The following IRF6 variants were observed in gnomAD, a reference collection of about 807,000 sequenced individuals.
IRF6 encodes Van der Woude syndrome.
A neutral mutation model predicts 51.4 loss-of-function variants in IRF6; 6 were observed. The observed-to-expected ratio is 0.12, with a 90% CI of 0.06 to 0.23. IRF6 has a LOEUF of 0.23. IRF6 is among the 10% of genes least tolerant of loss of function. The probability of loss-of-function intolerance (pLI) is 1.00; values close to 1 mark genes in which losing one functional copy is unlikely to be tolerated. For missense variants in IRF6, 348 were observed against 585.2 expected (o/e 0.59, Z 4.18); for synonymous variants, 178 against 215.7 (o/e 0.83, Z 1.53).
chr1:209,799,476 T>C (rs1287976015), intron 3 of IRF6, among the ~76,000 whole-genome samples: 1 of 152,224 alleles, frequency 6.6e-6, no homozygotes, highest in East Asian at 1.9e-4. Flanking sequence ...CATTTAATGT[T>C]AGTGCCCCAG....
At chr1:209,799,779 C>T (rs986427858) in intron 3 of IRF6, among the ~76,000 whole-genome samples, 1 of 152,230 alleles carries the variant, frequency 6.6e-6, no homozygotes, top group African/African-American at 2.4e-5. Context: ...CTTCTCAATG[C>T]CAACTCCAAT....
In IRF6 at chr1:209,787,755, G is replaced by T. The variant is rs4844899; in HGVS notation, c.*665C>A. The stretch of plus-strand genomic sequence containing the variant: ...AAATTTGTGAGCTTTCACTCCACAG[G>T]CTGGGTGACTTTCAGACTTTGGCAC... On this transcript the variant is annotated 3_prime_UTR_variant, in exon 9 of 9. Transcript: ENST00000367021. 3.9e-3 allele frequency: 588 copies of T among 152,490 alleles called. 18 individuals are homozygous for T. The highest frequency in any genetic ancestry group is 0.034 in the Admixed American group (517 of 15,302). 9.4% of individuals were successfully genotyped at this position (152,490 alleles called of 1,614,324 possible).
chr1:209,803,024 C>G (rs1212457932), intron 1 of IRF6, among the ~76,000 whole-genome samples: 2 of 152,240 alleles, frequency 1.3e-5, no homozygotes, highest in Non-Finnish European at 2.9e-5. Flanking sequence ...AACCTTCCCC[C>G]TGGGAGCATA....
chr1:209,796,678 A>AC lies in IRF6; in HGVS notation c.175-127dup. On this transcript the variant is annotated intron_variant, in intron 3 of 8. Coordinates refer to ENST00000367021, the MANE Select transcript of IRF6 (RefSeq NM_006147.4). This position sits in a 1 kb window ranked among gnomAD's most constrained non-coding sequence, Gnocchi z 4.5. ...ACACACACACACACACACACACACA[A>AC]CTTTTGCATGACTGCCCCATCATCC... 6.8e-6 allele frequency: 3 copies of AC among 438,460 alleles called. No homozygotes were observed. The highest frequency in any genetic ancestry group is 7.4e-5 in the South Asian group (2 of 27,184). The allele number at this position is 438,460 out of a possible 1,614,324, so 27.2% of individuals were successfully genotyped here.
intron 5 of IRF6, among the ~76,000 whole-genome samples, chr1:209,793,979 G>A (rs1414417994): frequency 2.0e-5 from 3 of 152,142 alleles, no homozygotes; most frequent in Admixed American, 6.6e-5. Context: ...CCATTGATGG[G>A]CATTTAATTT....
chr1:209,789,872 T>C, intron 7 of IRF6, 87 bp from the exon 8 acceptor site: 1 of 851,088 alleles, frequency 1.2e-6, no homozygotes, highest in South Asian at 1.4e-5. Context: ...TCCATTACAA[T>C]AGCCACTAGC....
At chr1:209,803,024 CT>C (rs1233814150) in intron 1 of IRF6, among the ~76,000 whole-genome samples, 2 of 152,240 alleles carry the variant, frequency 1.3e-5, no homozygotes, top group Non-Finnish European at 1.5e-5. Flanking sequence ...AACCTTCCCC[CT>C]GGGAGCATAG....
Position 209,795,480 on chromosome 1 carries a change from G to A in IRF6, c.380-62C>T, listed in dbSNP as rs1026180665. 46 of 1,608,396 alleles carry A rather than the reference G, an allele frequency of 2.9e-5. No individual in the cohort carries two copies. In the African/African-American group the frequency reaches 5.3e-4, roughly 19 times the overall value. ...AGGTTGCACTGCCACCCCTGCAGCT[G>A]ACCCACCATTCAAGCTAGGGACTGC... is the stretch of plus-strand genomic sequence containing the variant. On this transcript the variant is annotated intron_variant, in intron 4 of 8. Transcript: ENST00000367021.
chr1:209,799,113 C>A (rs1488911940), intron 3 of IRF6, among the ~76,000 whole-genome samples: 1 of 152,088 alleles, frequency 6.6e-6, no homozygotes, highest in Non-Finnish European at 1.5e-5. Flanking sequence ...AAATCCCTTT[C>A]CATACTTTAT....
intron 3 of IRF6, among the ~76,000 whole-genome samples, chr1:209,797,466 G>A (rs2077910261): frequency 1.3e-5 from 2 of 150,768 alleles, no homozygotes; most frequent in South Asian, 4.2e-4. Context: ...CCCTCTGGCT[G>A]AGGGCCTCAA....
In IRF6 at chr1:209,795,374, C is replaced by T; in HGVS notation, c.424G>A (p.Asp142Asn). 1 of 1,614,192 alleles carries T rather than the reference C, an allele frequency of 6.2e-7. No homozygotes were observed. The part of the protein sequence containing the change: ...APWDEKDNDV[D>N]EEDEEDELDQ... ...AGCTCATCTTCCTCATCTTCTTCAT[C>T]CACATCATTATCCTTCTCATCCCAG... Residue 142 changes from aspartate to asparagine, a missense_variant, in exon 5 of 9, where the codon GAT (aspartate) becomes AAT (asparagine). By Grantham distance (23) the Asp-to-Asn change is conservative. Around this residue, in one of 5 missense-constraint regions of IRF6, gnomAD observed 124 missense variants for 141.6 expected, o/e 0.88. Coordinates refer to ENST00000367021, the MANE Select transcript of IRF6 (RefSeq NM_006147.4).
rs1180210183 is a variant in IRF6, at chr1:209,788,327, A to C, written c.*93T>G. On this transcript the variant is annotated 3_prime_UTR_variant, in exon 9 of 9. Transcript: ENST00000367021. Reference sequence around the variant, plus strand: ...ACAAACTTCTAACACTGTTAGAGAAAAGAGAGATTTAAAAGCTGGTTAAAT... The same window carrying C: ...ACAAACTTCTAACACTGTTAGAGAACAGAGAGATTTAAAAGCTGGTTAAAT... The C allele has an allele frequency of 1.2e-5, 10 of 830,226 alleles. No individual in the cohort carries two copies. In the Admixed American group the frequency reaches 2.1e-4, roughly 18 times the overall value. The allele number at this position is 830,226 out of a possible 1,614,324, so 51.4% of individuals were successfully genotyped here.
chr1:209,796,466 G>A lies in IRF6; in HGVS notation c.261C>T (p.Leu87=). 3.1e-6 allele frequency: 5 copies of A among 1,613,522 alleles called. No individual in the cohort carries two copies. The highest frequency in any genetic ancestry group is 4.2e-6 in the Non-Finnish European group (5 of 1,179,530). The change falls in exon 4 of 9, where the codon CTC becomes CTT. Residue 87 remains leucine (L), a synonymous_variant. Coordinates refer to ENST00000367021, the MANE Select transcript of IRF6 (RefSeq NM_006147.4). The surrounding 1 kb of genome is among the most constrained non-coding windows in gnomAD (Gnocchi z 4.5). The stretch of plus-strand genomic sequence containing the variant: ...TCAGGTTGAATTCTCTGCTCTTATT[G>A]AGAGCACAGCGCAGCTGGGCCTTCC... ...AKWKAQLRCA[L]NKSREFNLMY... is the part of the protein sequence containing the mutation.
chr1:209,804,732 C>T (rs2077963456), intron 1 of IRF6, among the ~76,000 whole-genome samples: 1 of 152,214 alleles, frequency 6.6e-6, no homozygotes, highest in African/African-American at 2.4e-5. Context: ...TCCCATACCC[C>T]TATTCTAGGG....
rs752795859 is a variant in IRF6, at chr1:209,790,593, A to G, written c.962T>C (p.Val321Ala). 19 of 1,614,178 alleles carry G rather than the reference A, an allele frequency of 1.2e-5. No homozygotes were observed. The highest frequency in any genetic ancestry group is 1.6e-5 in the Non-Finnish European group (19 of 1,180,028). Reference sequence around the variant, plus strand: ...TGGGGCACATGGCCCAGACCAGTACACCTTGCACTGGCACAGCCTGATGGC... The same window carrying G: ...TGGGGCACATGGCCCAGACCAGTACGCCTTGCACTGGCACAGCCTGATGGC... The part of the protein sequence containing the change: ...IYAIRLCQCK[V>A]YWSGPCAPSL... Residue 321 changes from valine to alanine, a missense_variant, in exon 7 of 9, where the codon GTG (valine) becomes GCG (alanine). Val to Ala is a moderately conservative substitution (Grantham distance 64, BLOSUM62 0). Coordinates refer to ENST00000367021, the MANE Select transcript of IRF6 (RefSeq NM_006147.4). The surrounding 1 kb of genome is among the most constrained non-coding windows in gnomAD (Gnocchi z 4.8).
intron 1 of IRF6, among the ~76,000 whole-genome samples, chr1:209,805,434 G>T (rs1176303543): frequency 1.3e-5 from 2 of 152,202 alleles, no homozygotes; most frequent in Non-Finnish European, 2.9e-5. Flanking sequence ...ATCCAAGGTT[G>T]TCTCCCAGGC....
chr1:209,795,319 T>A lies in IRF6; in HGVS notation c.479A>T (p.Gln160Leu), dbSNP rs753585513. The change falls in exon 5 of 9, where the codon CAG (glutamine) becomes CTG (leucine). Residue 160 changes from glutamine to leucine, a missense_variant. Gln to Leu is a moderately radical substitution (Grantham distance 113). Coordinates refer to ENST00000367021, the MANE Select transcript of IRF6 (RefSeq NM_006147.4). The stretch of plus-strand genomic sequence containing the variant: ...GATGTTCAGGAAGGGGAAGGTGTCC[T>A]GGATGGGAACATGGTGCTGCGACTG... ...LDQSQHHVPI[Q>L]DTFPFLNING... is the part of the protein sequence containing the mutation. 1 of 1,614,242 alleles carries A rather than the reference T, an allele frequency of 6.2e-7. No homozygotes were observed. Among genetic ancestry groups the A allele is most frequent in the South Asian group, 1.1e-5 (1 of 91,084 alleles).
chr1:209,791,033 G>A, intron 6 of IRF6, 146 bp from the exon 7 acceptor site: 1 of 1,547,910 alleles, frequency 6.5e-7, no homozygotes, highest in Non-Finnish European at 8.7e-7. Flanking sequence ...CTGCAATAAA[G>A]GGAGACATCA....
At chr1:209,801,504 G>A in intron 2 of IRF6, 88 bp from the exon 3 acceptor site, 3 of 1,049,902 alleles carry the variant, frequency 2.9e-6, no homozygotes, top group Non-Finnish European at 4.1e-6. Context: ...CCATCTACTA[G>A]AGCTACAGTT....
Sources: allele counts gnomAD v4.1 joint callset (sites outside exome capture counted in the v4.1 genomes callset), GRCh38; gene constraint gnomAD v4.1.1; regional missense constraint gnomAD v4.1.1; non-coding constraint Gnocchi (gnomAD v3.1); transcripts MANE v1.5; gene names NCBI Gene and HGNC (gene_info 2026-07-23, HGNC 2026-07-21).